Variants in SBF2 observed in about 807,000 individuals in gnomAD.
The protein encoded by SBF2 is SET binding factor 2.
In SBF2, 112 loss-of-function variants were observed where a neutral mutation model predicts 225.2. That is an observed-to-expected ratio of 0.50 (90% CI 0.43 to 0.58). The LOEUF is 0.58. Among genes scored for constraint, SBF2 ranks in the 20% least tolerant of loss-of-function variants. The pLI is 0.00. For synonymous variants in SBF2, 763 were observed against 773.3 expected (o/e 0.99, Z 0.22); for missense variants, 1,996 against 2,206.2 (o/e 0.90, Z 1.91).
chr11:10,109,168 A>G (rs993380331), intron 2 of SBF2, among the ~76,000 whole-genome samples: 1 of 150,694 alleles, frequency 6.6e-6, no homozygotes, highest in African/African-American at 2.4e-5. Context: ...TATTCCACAG[A>G]AAGTTCAAAG....
chr11:10,251,535 A>C (rs761890668), intron 1 of SBF2, among the ~76,000 whole-genome samples: 1 of 152,210 alleles, frequency 6.6e-6, no homozygotes, highest in Non-Finnish European at 1.5e-5. Flanking sequence ...GTAGGGGATT[A>C]ATGAAAAGAC....
At chr11:9,898,892 A>C (rs1861490299) in intron 16 of SBF2, among the ~76,000 whole-genome samples, 1 of 152,196 alleles carries the variant, frequency 6.6e-6, no homozygotes, top group Non-Finnish European at 1.5e-5. Flanking sequence ...ACAATGAGAA[A>C]AAGGGGCTAA....
intron 16 of SBF2, among the ~76,000 whole-genome samples, chr11:9,938,013 T>C (rs1024888195): frequency 1.3e-5 from 2 of 151,174 alleles, no homozygotes; most frequent in Admixed American, 6.6e-5. Flanking sequence ...ATTTTCAGGG[T>C]CGGGCACGGT....
intron 9 of SBF2, among the ~76,000 whole-genome samples, chr11:9,997,893 T>G (rs1947778062): frequency 6.6e-6 from 1 of 152,188 alleles, no homozygotes; most frequent in Non-Finnish European, 1.5e-5. Flanking sequence ...CAAAGAGGAA[T>G]GAGATGCCAA....
At chr11:10,154,687 C>CTAA in intron 2 of SBF2, among the ~76,000 whole-genome samples, 1 of 152,242 alleles carries the variant, frequency 6.6e-6, no homozygotes, top group East Asian at 1.9e-4. Context: ...TGATTGAATG[C>CTAA]TAAATGCTGT....
rs1048390715 is a variant in SBF2 at position 9,903,149 on chromosome 11, G to A, written c.1861-7138C>T. ...ATCCTGGCTAACACAGTGAAACCCC[G>A]TCTCTACTAAAAAATACAAAAAATT... On this transcript the variant is annotated intron_variant, in intron 16 of 39. Coordinates refer to ENST00000256190, the MANE Select transcript of SBF2 (RefSeq NM_030962.4). 5.3e-5 allele frequency among the ~76,000 whole-genome samples: 8 copies of A among 151,808 alleles called. No homozygotes were observed. The South Asian group carries it at 8.3e-4, about 16-fold the overall frequency.
At chr11:10,286,004 G>A (rs558852234) in intron 1 of SBF2, among the ~76,000 whole-genome samples, 1 of 152,142 alleles carries the variant, frequency 6.6e-6, no homozygotes, top group African/African-American at 2.4e-5. Flanking sequence ...TAAGAGAGTA[G>A]ATCTTTTTTT....
At chr11:9,961,283 G>A (rs1026001852) in intron 16 of SBF2, 4 of 152,148 alleles carry the variant, frequency 2.6e-5, no homozygotes, top group African/African-American at 9.7e-5. Context: ...TTTGTCTGGA[G>A]TCCCACGGAT....
intron 12 of SBF2, among the ~76,000 whole-genome samples, chr11:9,991,077 C>T (rs1446279903): frequency 6.6e-6 from 1 of 152,082 alleles, no homozygotes; most frequent in Non-Finnish European, 1.5e-5. Context: ...AATGTAGGTG[C>T]TAGAAAAGAC....
At chr11:10,108,142 C>T (rs1336489836) in intron 2 of SBF2, among the ~76,000 whole-genome samples, 1 of 152,098 alleles carries the variant, frequency 6.6e-6, no homozygotes, top group Non-Finnish European at 1.5e-5. Context: ...CAAATATAAC[C>T]TAAGTAACCA....
chr11:9,851,574 C>T (rs762001206), intron 21 of SBF2, among the ~76,000 whole-genome samples: 3 of 152,076 alleles, frequency 2.0e-5, no homozygotes, highest in Non-Finnish European at 4.4e-5. Flanking sequence ...AAAAATCTCT[C>T]CTGAAGGTCT....
At chr11:9,805,846 T>A (rs1208044404) in intron 32 of SBF2, among the ~76,000 whole-genome samples, 2 of 152,036 alleles carry the variant, frequency 1.3e-5, no homozygotes, top group Admixed American at 6.6e-5. Flanking sequence ...ATGGTTTTGA[T>A]CTCTTACCTC....
intron 30 of SBF2, 90 bp from the exon 31 acceptor site, chr11:9,809,092 C>A: frequency 2.2e-6 from 2 of 917,366 alleles, no homozygotes; most frequent in Non-Finnish European, 1.8e-6. Flanking sequence ...GATAATCAAA[C>A]GACTTAGGGA....
chr11:9,785,659 C>T (rs1366698878), intron 36 of SBF2, among the ~76,000 whole-genome samples: 2 of 152,008 alleles, frequency 1.3e-5, no homozygotes, highest in Non-Finnish European at 2.9e-5. Flanking sequence ...TCCAGGAGTT[C>T]GAGACCAGCC....
chr11:9,910,089 T>C (rs757303995), intron 16 of SBF2, among the ~76,000 whole-genome samples: 4 of 152,230 alleles, frequency 2.6e-5, no homozygotes, highest in Non-Finnish European at 4.4e-5. Context: ...ACATTTCTTA[T>C]GATACAAAAA....
intron 2 of SBF2, among the ~76,000 whole-genome samples, chr11:10,158,400 T>A (rs969450241): frequency 1.1e-4 from 17 of 151,692 alleles, no homozygotes; most frequent in Admixed American, 9.2e-4. Context: ...TAAGAGGTGG[T>A]TTTTTGAAAA....
At chr11:10,100,847 G>T (rs773021802) in intron 2 of SBF2, among the ~76,000 whole-genome samples, 12 of 152,140 alleles carry the variant, frequency 7.9e-5, no homozygotes, top group Non-Finnish European at 1.5e-4. Context: ...TCCACTGCAG[G>T]GTGTCTGTCT....
chr11:9,863,016 TA>T (rs961548125), intron 17 of SBF2, among the ~76,000 whole-genome samples: 100 of 148,110 alleles, frequency 6.8e-4, no homozygotes, highest in African/African-American at 2.2e-3. Flanking sequence ...GATTCTGTCC[TA>T]AAAAAAAAAG....
chr11:10,143,229 T>TG (rs947578827), intron 2 of SBF2, among the ~76,000 whole-genome samples: 11 of 152,056 alleles, frequency 7.2e-5, no homozygotes, highest in African/African-American at 2.4e-4. Context: ...GGGAGTGCAA[T>TG]GGCGCAATCT....
Sources: gnomAD v4.1 joint callset for allele counts (sites outside exome capture counted in the v4.1 genomes callset) on GRCh38, gnomAD v4.1.1 for gene constraint, MANE v1.5 for transcripts, NCBI Gene and HGNC (gene_info 2026-07-23, HGNC 2026-07-21) for gene names.